GRID1: variants seen among roughly 807,000 people sequenced by gnomAD.
GRID1 encodes the protein glutamate receptor ionotropic, delta-1.
GRID1 carries 28 observed loss-of-function variants against 98.0 expected under a neutral mutation model. The ratio of observed to expected loss-of-function variants is 0.29; its 90% CI spans 0.21 to 0.39. The LOEUF (loss-of-function observed/expected upper bound fraction) is 0.39, where lower values mean the gene tolerates loss of function less well. Ranked by LOEUF, GRID1 falls within the 10% of genes least tolerant of loss-of-function variation. The pLI is 1.00. For missense variants in GRID1, 1,111 were observed against 1,340.5 expected (o/e 0.83, Z 2.67); for synonymous variants, 553 against 538.5 (o/e 1.03, Z -0.37).
rs192501965 is a variant in GRID1 at position 86,073,650 on chromosome 10, C to G, written c.726+65169G>C. On this transcript the variant is annotated intron_variant, in intron 4 of 15. Transcript: ENST00000327946. ...TTCCAGGGACAACTAAGGGCACTCT[C>G]AAGCTCCATTGAGCTCCGGATCATA... Among the ~76,000 whole-genome samples the G allele has an allele frequency of 3.1e-3, 467 of 152,366 alleles. 2 individuals are homozygous for G. Among genetic ancestry groups the G allele is most frequent in the Non-Finnish European group, 4.9e-3 (332 of 68,042 alleles).
At chr10:85,845,751 T>A (rs912698500) in intron 8 of GRID1, among the ~76,000 whole-genome samples, 1 of 152,170 alleles carries the variant, frequency 6.6e-6, no homozygotes, top group Non-Finnish European at 1.5e-5. Flanking sequence ...GGCCTCTCTA[T>A]ACCTGTATGA....
intron 3 of GRID1, among the ~76,000 whole-genome samples, chr10:86,153,491 G>A (rs899390430): frequency 5.3e-5 from 8 of 152,070 alleles, no homozygotes; most frequent in Non-Finnish European, 7.3e-5. Flanking sequence ...TATTATCTGC[G>A]CTCTTGAGGC....
intron 3 of GRID1, among the ~76,000 whole-genome samples, chr10:86,157,627 G>A (rs1040043436): frequency 7.2e-5 from 11 of 152,132 alleles, no homozygotes; most frequent in Non-Finnish European, 1.3e-4. Context: ...CCCCTCCCAC[G>A]GACAGCTTGG....
intron 6 of GRID1, among the ~76,000 whole-genome samples, chr10:85,867,421 C>A (rs72842931): frequency 0.031 from 4,774 of 152,274 alleles, 198 homozygotes; most frequent in East Asian, 0.19. Flanking sequence ...GTGAGACCCT[C>A]ACAGGCTCTG....
intron 8 of GRID1, among the ~76,000 whole-genome samples, chr10:85,776,506 C>A (rs1158207789): frequency 6.6e-6 from 1 of 152,144 alleles, no homozygotes; most frequent in East Asian, 1.9e-4. Flanking sequence ...GCTGAGGTCA[C>A]CTCTCCAGGG....
At chr10:85,974,292 G>A (rs1458765925) in intron 4 of GRID1, among the ~76,000 whole-genome samples, 1 of 151,928 alleles carries the variant, frequency 6.6e-6, no homozygotes, top group East Asian at 1.9e-4. Context: ...TGTTTGTTTT[G>A]TTTTGTTTTG....
chr10:85,858,533 C>T lies in GRID1; in HGVS notation c.952-2343G>A, dbSNP rs1590268539. 2.6e-5 allele frequency among the ~76,000 whole-genome samples: 4 copies of T among 152,300 alleles called. No individual in the cohort carries two copies. In the East Asian group the frequency reaches 7.7e-4, roughly 29 times the overall value. The stretch of plus-strand genomic sequence containing the variant: ...ACTCCCCAGCCCTCAGGAGCCCCCA[C>T]CACTGCATGTGTTGATAAGTCTTCC... On this transcript the variant is annotated intron_variant, in intron 6 of 15. Coordinates refer to ENST00000327946, the MANE Select transcript of GRID1 (RefSeq NM_017551.3).
At chr10:85,603,698 T>C (rs1264856332) in intron 15 of GRID1, among the ~76,000 whole-genome samples, 1 of 152,166 alleles carries the variant, frequency 6.6e-6, no homozygotes, top group Non-Finnish European at 1.5e-5. Flanking sequence ...CCATATGAGC[T>C]TCCCGGTGAG....
chr10:85,723,977 G>A (rs936542469), intron 11 of GRID1, among the ~76,000 whole-genome samples: 2 of 152,152 alleles, frequency 1.3e-5, no homozygotes, highest in Non-Finnish European at 2.9e-5. Flanking sequence ...TTAAATGATT[G>A]CAATACAATT....
At chr10:86,103,846 G>C (rs1466962520) in intron 4 of GRID1, among the ~76,000 whole-genome samples, 1 of 152,108 alleles carries the variant, frequency 6.6e-6, no homozygotes, top group Admixed American at 6.5e-5. Flanking sequence ...ACCACTGTTG[G>C]GCTGAACCCT....
chr10:85,804,102 CA>C (rs1259027887), intron 8 of GRID1, among the ~76,000 whole-genome samples: 11 of 149,556 alleles, frequency 7.4e-5, no homozygotes, highest in Non-Finnish European at 7.4e-5. Flanking sequence ...TCATTCTTGA[CA>C]GTAACAATAA....
chr10:85,845,950 G>A (rs1340460561), intron 8 of GRID1, among the ~76,000 whole-genome samples: 3 of 152,120 alleles, frequency 2.0e-5, no homozygotes, highest in Non-Finnish European at 4.4e-5. Flanking sequence ...ATCAAAACTG[G>A]TTCCATTTGG....
intron 6 of GRID1, among the ~76,000 whole-genome samples, chr10:85,867,464 C>T (rs561419999): frequency 1.1e-4 from 16 of 151,702 alleles, no homozygotes; most frequent in Non-Finnish European, 1.9e-4. Flanking sequence ...TCCCCTCTCC[C>T]GCTGCACTGG....
chr10:85,867,899 T>C lies in GRID1; in HGVS notation c.951+1111A>G, dbSNP rs187178689. Among the ~76,000 whole-genome samples the C allele has an allele frequency of 8.3e-4, 126 of 152,346 alleles. 1 individual carries two copies. The highest frequency in any genetic ancestry group is 2.9e-3 in the African/African-American group (121 of 41,574). ...CATCCGTTGAGGCATGTTTCCTTTT[T>C]CTCTCCACATATGAGATTATAGAGT... On this transcript the variant is annotated intron_variant, in intron 6 of 15. Coordinates refer to ENST00000327946, the MANE Select transcript of GRID1 (RefSeq NM_017551.3).
chr10:86,042,748 C>G (rs1216053977), intron 4 of GRID1, among the ~76,000 whole-genome samples: 1 of 152,088 alleles, frequency 6.6e-6, no homozygotes, highest in African/African-American at 2.4e-5. Flanking sequence ...ATAGAAAGCC[C>G]AAGATGCCAA....
intron 5 of GRID1, among the ~76,000 whole-genome samples, chr10:85,892,458 G>C (rs531339549): frequency 6.6e-6 from 1 of 151,416 alleles, no homozygotes; most frequent in Non-Finnish European, 1.5e-5. Context: ...AAGAAGATCC[G>C]ATATGCAGGG....
intron 4 of GRID1, among the ~76,000 whole-genome samples, chr10:85,933,169 G>T (rs1841880086): frequency 6.6e-6 from 1 of 151,324 alleles, no homozygotes; most frequent in Admixed American, 6.6e-5. Flanking sequence ...ACCCTCTCTT[G>T]CCCTCCTGCT....
intron 8 of GRID1, among the ~76,000 whole-genome samples, chr10:85,754,382 A>AG (rs1188530188): frequency 3.3e-5 from 5 of 152,256 alleles, no homozygotes; most frequent in African/African-American, 1.2e-4. Context: ...CTGGTCTAGA[A>AG]GGGAGAAAGA....
intron 2 of GRID1, among the ~76,000 whole-genome samples, chr10:86,289,399 A>C (rs1293884356): frequency 6.6e-6 from 1 of 151,582 alleles, no homozygotes; most frequent in Non-Finnish European, 1.5e-5. Flanking sequence ...ACCCCTTCAG[A>C]CCCCTCGGCT....
Sources: gnomAD v4.1 joint callset for allele counts (sites outside exome capture counted in the v4.1 genomes callset) on GRCh38, gnomAD v4.1.1 for gene constraint, MANE v1.5 for transcripts, NCBI Gene and HGNC (gene_info 2026-07-23, HGNC 2026-07-21) for gene names.